RALYL: variants seen among roughly 807,000 people sequenced by gnomAD.
RALYL encodes the protein RALY RNA binding protein like.
Under a neutral mutation model 35.1 loss-of-function variants are expected in RALYL, and 29 were observed. That is an observed-to-expected ratio of 0.83 (90% confidence interval 0.61 to 1.13). The LOEUF is 1.13. Ranked by LOEUF, RALYL falls within the 50% of genes most tolerant of loss-of-function variation. The pLI is 0.00. For synonymous variants in RALYL, 120 were observed against 127.6 expected (o/e 0.94, Z 0.40); for missense variants, 359 against 360.4 (o/e 1.00, Z 0.03).
Position 84,808,618 on chromosome 8 carries a change from G to T in RALYL, c.365+3816G>T, listed in dbSNP as rs184574908. Among the ~76,000 whole-genome samples the T allele has an allele frequency of 3.1e-3, 475 of 152,250 alleles. 6 individuals carry two copies. Among genetic ancestry groups the T allele is most frequent in the African/African-American group, 0.011 (458 of 41,530 alleles). On this transcript the variant is annotated intron_variant, in intron 4 of 8. Coordinates refer to ENST00000521268, the MANE Select transcript of RALYL (RefSeq NM_173848.7). ...GCAGTGTGGTCATTTTCACAATATT[G>T]ATTCTACCCATCCATGAACATGGCA... is the stretch of plus-strand genomic sequence containing the variant.
rs796217177 is a variant in RALYL at position 84,690,595 on chromosome 8, A to G, written c.257-83984A>G. Among the ~76,000 whole-genome samples, 4 of 152,270 alleles carry G rather than the reference A, an allele frequency of 2.6e-5. No homozygotes were observed. In the South Asian group the frequency reaches 6.2e-4, roughly 24 times the overall value. On this transcript the variant is annotated intron_variant, in intron 2 of 8. Coordinates refer to ENST00000521268, the MANE Select transcript of RALYL (RefSeq NM_173848.7). Reference sequence around the variant, plus strand: ...TTGTATGTATATCAAAACATATACAATTATAAATTGTAAATATATACAATT... The same window carrying G: ...TTGTATGTATATCAAAACATATACAGTTATAAATTGTAAATATATACAATT...
intron 1 of RALYL, among the ~76,000 whole-genome samples, chr8:84,394,903 A>G (rs1013240263): frequency 6.6e-6 from 1 of 151,948 alleles, no homozygotes; most frequent in Admixed American, 6.6e-5. Flanking sequence ...TTCTCCTTAG[A>G]AAACATAATA....
rs537244820 is a variant in RALYL at position 84,439,968 on chromosome 8, T to C, written c.-23-89331T>C. On this transcript the variant is annotated intron_variant, in intron 1 of 8. Coordinates refer to ENST00000521268, the MANE Select transcript of RALYL (RefSeq NM_173848.7). ...GTGTAAGCATAATGATATGTGCAGTTATAATTGGTTTCAGTAACAAAATTT... is the reference window on the plus strand; with the variant it reads ...GTGTAAGCATAATGATATGTGCAGTCATAATTGGTTTCAGTAACAAAATTT... Among the ~76,000 whole-genome samples the C allele has an allele frequency of 8.5e-5, 13 of 152,268 alleles. No homozygotes were observed. In the South Asian group the frequency reaches 2.5e-3, roughly 29 times the overall value.
At chr8:84,328,813 G>T (rs1350897842) in intron 1 of RALYL, among the ~76,000 whole-genome samples, 1 of 152,088 alleles carries the variant, frequency 6.6e-6, no homozygotes, top group Non-Finnish European at 1.5e-5. Context: ...TTATGTCCAT[G>T]AATGCCCAGT....
chr8:84,728,886 T>C (rs1177862321), intron 2 of RALYL, among the ~76,000 whole-genome samples: 3 of 152,172 alleles, frequency 2.0e-5, no homozygotes, highest in African/African-American at 7.2e-5. Context: ...AGCCTTGTAG[T>C]GTGGTTTGAA....
intron 1 of RALYL, among the ~76,000 whole-genome samples, chr8:84,202,011 C>T (rs541292564): frequency 6.6e-6 from 1 of 152,210 alleles, no homozygotes; most frequent in East Asian, 1.9e-4. Flanking sequence ...GGTTATACAG[C>T]ATTCCATTGT....
chr8:84,883,790 G>T (rs189165524), intron 7 of RALYL, among the ~76,000 whole-genome samples: 1 of 152,046 alleles, frequency 6.6e-6, no homozygotes. Flanking sequence ...GATCAGTAGG[G>T]GCGAATAATT....
At chr8:84,671,583 A>C (rs574588569) in intron 2 of RALYL, among the ~76,000 whole-genome samples, 62 of 152,148 alleles carry the variant, frequency 4.1e-4, no homozygotes, top group Middle Eastern at 3.4e-3. Context: ...ACTTCTGTGC[A>C]CTCACAGACT....
rs553075105 is a variant in RALYL, at chr8:84,389,161, G to A, written c.-23-140138G>A. ...AAAGATCAGATAGTTGTAGATATAC[G>A]GCGTTATTTCTGAGGGCTCTGTTCT... On this transcript the variant is annotated intron_variant, in intron 1 of 8. Coordinates refer to ENST00000521268, the MANE Select transcript of RALYL (RefSeq NM_173848.7). Among the ~76,000 whole-genome samples the A allele has an allele frequency of 6.1e-3, 930 of 152,092 alleles. 11 individuals carry two copies. Among genetic ancestry groups the A allele is most frequent in the African/African-American group, 0.02 (846 of 41,480 alleles).
chr8:84,438,458 T>G (rs549324523), intron 1 of RALYL, among the ~76,000 whole-genome samples: 1 of 152,114 alleles, frequency 6.6e-6, no homozygotes, highest in Non-Finnish European at 1.5e-5. Context: ...GCACAATCTC[T>G]GCTCACTGCA....
At chr8:84,215,436 A>C (rs1372437705) in intron 1 of RALYL, among the ~76,000 whole-genome samples, 2 of 152,092 alleles carry the variant, frequency 1.3e-5, no homozygotes, top group Non-Finnish European at 2.9e-5. Context: ...AAATTCTTAT[A>C]TTTAAAAGTT....
intron 1 of RALYL, among the ~76,000 whole-genome samples, chr8:84,467,200 G>A (rs1436707223): frequency 6.6e-6 from 1 of 152,034 alleles, no homozygotes; most frequent in African/African-American, 2.4e-5. Flanking sequence ...GAGTGTGTTT[G>A]CTCTTGCTTT....
chr8:84,788,440 C>CA (rs138669271), intron 3 of RALYL, among the ~76,000 whole-genome samples: 2 of 151,918 alleles, frequency 1.3e-5, no homozygotes, highest in African/African-American at 2.4e-5. Context: ...ATTTTATAAC[C>CA]AAAAAATGAT....
chr8:84,821,458 TG>T (rs1290818253), intron 4 of RALYL, among the ~76,000 whole-genome samples: 3 of 152,206 alleles, frequency 2.0e-5, no homozygotes, highest in Non-Finnish European at 2.9e-5. Context: ...TGCACTTGAA[TG>T]TCTAAATAAT....
At chr8:84,535,586 C>A (rs2059546571) in intron 2 of RALYL, among the ~76,000 whole-genome samples, 1 of 103,040 alleles carries the variant, frequency 9.7e-6, no homozygotes, top group Non-Finnish European at 2.2e-5. Flanking sequence ...CAGGTGCCTG[C>A]CACCACGCCC....
intron 2 of RALYL, among the ~76,000 whole-genome samples, chr8:84,713,348 ACT>A (rs1842485963): frequency 1.3e-5 from 2 of 152,040 alleles, no homozygotes; most frequent in African/African-American, 4.8e-5. Flanking sequence ...ATTAATCATA[ACT>A]CAAACAGCTC....
intron 1 of RALYL, among the ~76,000 whole-genome samples, chr8:84,444,664 C>G (rs1013522118): frequency 3.3e-5 from 5 of 152,038 alleles, no homozygotes; most frequent in African/African-American, 1.2e-4. Flanking sequence ...AACAAGGAGG[C>G]TATGGCTTAA....
intron 1 of RALYL, among the ~76,000 whole-genome samples, chr8:84,442,574 T>A (rs2048449668): frequency 6.6e-6 from 1 of 152,042 alleles, no homozygotes; most frequent in Non-Finnish European, 1.5e-5. Flanking sequence ...CCATGAGAGC[T>A]CCTCTGGAAG....
At chr8:84,366,411 A>G (rs1252820015) in intron 1 of RALYL, among the ~76,000 whole-genome samples, 1 of 152,186 alleles carries the variant, frequency 6.6e-6, no homozygotes, top group Non-Finnish European at 1.5e-5. Context: ...TCTGTAAACA[A>G]CAGCTACAAC....
Sources: gnomAD v4.1 joint callset for allele counts (sites outside exome capture counted in the v4.1 genomes callset) on GRCh38, gnomAD v4.1.1 for gene constraint, MANE v1.5 for transcripts, NCBI Gene and HGNC (gene_info 2026-07-23, HGNC 2026-07-21) for gene names.